The following TJP2 variants were observed in gnomAD, a reference collection of about 807,000 sequenced individuals.
TJP2 encodes the protein tight junction protein 2.
Under a neutral mutation model 133.1 loss-of-function variants are expected in TJP2, and 91 were observed. That is an observed-to-expected ratio of 0.68 (90% CI 0.58 to 0.81). The LOEUF (loss-of-function observed/expected upper bound fraction) is 0.81, where lower values mean the gene tolerates loss of function less well. TJP2 is among the 40% of genes least tolerant of loss of function. The pLI is 0.00. For missense variants in TJP2, 1,541 were observed against 1,565.6 expected, an observed-to-expected ratio of 0.98 and a Z score of 0.26; for synonymous variants, 592 against 583.4, an observed-to-expected ratio of 1.01 and a Z score of -0.21.
In TJP2 at chr9:69,221,182, G is replaced by T. The variant is rs775377668; in HGVS notation, c.638G>T (p.Arg213Leu). ...CTGGACCAAGACCATGCGCGCACCC[G>T]AGACCGCAGCCGTGGCCGGAGCCTG... ...RGLDQDHART[R>L]DRSRGRSLER... Residue 213 changes from arginine (R) to leucine (L), a missense_variant, in exon 5 of 23, where the codon CGA becomes CTA. Transcript: ENST00000377245. 1.3e-5 allele frequency: 21 copies of T among 1,599,756 alleles called. No homozygotes were observed. In the African/African-American group the frequency reaches 1.7e-4, roughly 13 times the overall value.
rs545129950 is a variant in TJP2 at position 69,210,854 on chromosome 9, A to G, written c.61-1694A>G. 1.0e-4 allele frequency among the ~76,000 whole-genome samples: 15 copies of G among 150,428 alleles called. No homozygotes were observed. The South Asian group carries it at 3.1e-3, about 31-fold the overall frequency. ...CTGATCACCCCGCCTCAGCCTCCTG[A>G]GTAGCTGGGACTATGGCATGTGCCA... On this transcript the variant is annotated intron_variant, in intron 1 of 22. Transcript: ENST00000377245.
intron 1 of TJP2, among the ~76,000 whole-genome samples, chr9:69,138,902 G>C (rs1822893364): frequency 6.6e-6 from 1 of 151,528 alleles, no homozygotes; most frequent in Non-Finnish European, 1.5e-5. Context: ...GGGTGACACA[G>C]TGAGATTCCA....
intron 1 of TJP2, chr9:69,204,881 A>G: frequency 8.3e-7 from 1 of 1,208,140 alleles, no homozygotes; most frequent in African/African-American, 1.5e-5. Flanking sequence ...AGAAATATCT[A>G]CTCGGATGCT....
intron 1 of TJP2, among the ~76,000 whole-genome samples, chr9:69,196,457 G>C (rs1826565840): frequency 6.6e-6 from 1 of 152,190 alleles, no homozygotes; most frequent in African/African-American, 2.4e-5. Flanking sequence ...CAACCTTAGA[G>C]AGGTGGGTCT....
chr9:69,210,947 T>C (rs1643614641), intron 1 of TJP2, among the ~76,000 whole-genome samples: 1 of 152,142 alleles, frequency 6.6e-6, no homozygotes, highest in Admixed American at 6.5e-5. Context: ...AGGCTGCCCT[T>C]GAACTCCTAG....
chr9:69,143,604 C>G (rs1235108774), intron 1 of TJP2, among the ~76,000 whole-genome samples: 1 of 152,222 alleles, frequency 6.6e-6, no homozygotes, highest in Admixed American at 6.5e-5. Flanking sequence ...TTCATGAATA[C>G]TATGGAAATG....
At position 69,127,581 on chromosome 9, in the gene TJP2, C is replaced by T. The variant is rs1822326618; in HGVS notation, c.-131+5856C>T. Among the ~76,000 whole-genome samples, 4 of 73,980 alleles carry T rather than the reference C, an allele frequency of 5.4e-5. 1 individual carries two copies. The South Asian group carries it at 1.5e-3, about 28-fold the overall frequency. 48.5% of individuals were successfully genotyped at this position (73,980 alleles called of 152,430 possible). A position where few individuals can be genotyped will look rare whatever the true frequency, so the allele number is the denominator to read the frequency against. On this transcript the variant is annotated intron_variant, in intron 1 of 5. Transcript: ENST00000423935. ...AAAAAAAAAAAAGATGTTTTTAATGCCCCCTCAGAGAACATTTTCCCCAGT... is the reference window on the plus strand; with the variant it reads ...AAAAAAAAAAAAGATGTTTTTAATGTCCCCTCAGAGAACATTTTCCCCAGT...
intron 1 of TJP2, among the ~76,000 whole-genome samples, chr9:69,184,890 C>T (rs1172558517): frequency 1.3e-5 from 2 of 150,402 alleles, no homozygotes; most frequent in Admixed American, 6.7e-5. Context: ...GCTGTAACCA[C>T]GGGCATGCGC....
chr9:69,178,880 C>T (rs1328026387), intron 1 of TJP2, among the ~76,000 whole-genome samples: 2 of 152,000 alleles, frequency 1.3e-5, no homozygotes, highest in Admixed American at 6.6e-5. Context: ...GATTCATTGC[C>T]GAAGAATGTG....
chr9:69,148,841 T>C (rs924450508), intron 1 of TJP2, among the ~76,000 whole-genome samples: 2 of 152,296 alleles, frequency 1.3e-5, no homozygotes, highest in African/African-American at 2.4e-5. Flanking sequence ...TATTTGCCCA[T>C]TGCCCAGCAC....
chr9:69,176,849 A>C (rs1277716905), intron 1 of TJP2, among the ~76,000 whole-genome samples: 2 of 152,170 alleles, frequency 1.3e-5, no homozygotes, highest in African/African-American at 4.8e-5. Context: ...ACGAGACACA[A>C]GTTATTGAAA....
chr9:69,130,178 A>G (rs1178704612), intron 1 of TJP2, among the ~76,000 whole-genome samples: 1 of 152,140 alleles, frequency 6.6e-6, no homozygotes, highest in Non-Finnish European at 1.5e-5. Context: ...TTCATTCTCT[A>G]CAGTCACAAG....
At chr9:69,204,701 T>C (rs930831223) in intron 1 of TJP2, 21 of 519,826 alleles carry the variant, frequency 4.0e-5, no homozygotes, top group African/African-American at 3.7e-4. Context: ...AGCCATTCAG[T>C]TGACCTGAAA....
intron 12 of TJP2, 128 bp from the exon 13 acceptor site, chr9:69,235,900 C>G: frequency 1.2e-6 from 1 of 824,084 alleles, no homozygotes. Flanking sequence ...GCTGTGACTC[C>G]CATAGGACTT....
Position 69,251,110 on chromosome 9 carries a change from G to T in TJP2, c.3067G>T (p.Ala1023Ser), listed in dbSNP as rs201317427. Residue 1023 changes from alanine (A) to serine (S), a missense_variant, in exon 21 of 23, where the codon GCT becomes TCT. By Grantham distance (99) the Ala-to-Ser change is moderately conservative. Coordinates refer to ENST00000377245, the MANE Select transcript of TJP2 (RefSeq NM_004817.4). ...YEYKSNPSAVAGNETPGASTK... is the reference protein window; with the variant it reads ...YEYKSNPSAVSGNETPGASTK... The stretch of plus-strand genomic sequence containing the variant: ...ATATAAGTCAAACCCCTCTGCCGTT[G>T]CTGGTAATGAAACTCCTGGGGCATC... 393 of 1,614,058 alleles carry T rather than the reference G, an allele frequency of 2.4e-4. No homozygotes were observed. Among genetic ancestry groups the T allele is most frequent in the Non-Finnish European group, 3.1e-4 (370 of 1,180,044 alleles).
rs759954506 is a variant in TJP2 at position 69,125,303 on chromosome 9, AT to A, written c.-131+3599del. Among the ~76,000 whole-genome samples the A allele has an allele frequency of 9.6e-3, 419 of 43,832 alleles. 71 individuals are homozygous for A. Among genetic ancestry groups the A allele is most frequent in the African/African-American group, 0.025 (348 of 14,094 alleles). 28.8% of individuals were successfully genotyped at this position (43,832 alleles called of 152,430 possible). On this transcript the variant is annotated intron_variant, in intron 1 of 5. Coordinates refer to the TJP2 transcript ENST00000423935. ...TGTGCGTTTAATAGCACCCTGAGTGATTTTTTTTTTTTTTTTTTTTTGAGAT... is the reference window on the plus strand; with the variant it reads ...TGTGCGTTTAATAGCACCCTGAGTGATTTTTTTTTTTTTTTTTTTTGAGAT...
Position 69,226,129 on chromosome 9 carries a change from C to T in TJP2, c.1164C>T (p.Thr388=), listed in dbSNP as rs779448814. The T allele has an allele frequency of 3.7e-6, 6 of 1,613,906 alleles. No individual in the cohort carries two copies. Among genetic ancestry groups the T allele is most frequent in the Non-Finnish European group, 5.1e-6 (6 of 1,179,994 alleles). The change falls in exon 7 of 23, where the codon ACC becomes ACT. Residue 388 remains threonine (T), a synonymous_variant. Coordinates refer to ENST00000377245, the MANE Select transcript of TJP2 (RefSeq NM_004817.4). ...TGGTGTTGAGAGACAGCCAGCAGACCCTCATCAACATCCCGTCATTAAATG... is the reference window on the plus strand; with the variant it reads ...TGGTGTTGAGAGACAGCCAGCAGACTCTCATCAACATCCCGTCATTAAATG... ...QLVVLRDSQQ[T]LINIPSLNDS...
chr9:69,248,874 A>T, intron 19 of TJP2: 3 of 991,386 alleles, frequency 3.0e-6, no homozygotes, highest in Non-Finnish European at 3.6e-6. Flanking sequence ...TGAAGATGGG[A>T]TTGTTCATAT....
chr9:69,218,234 C>T lies in TJP2; in HGVS notation c.240-23C>T. On this transcript the variant is annotated intron_variant, in intron 3 of 22. Transcript: ENST00000377245. ...TGAATAGATGGGAGTTTTTCATGACCCATTTTTATTTCTTGTTTACAGAGA... is the reference window on the plus strand; with the variant it reads ...TGAATAGATGGGAGTTTTTCATGACTCATTTTTATTTCTTGTTTACAGAGA... The T allele has an allele frequency of 1.9e-6, 3 of 1,563,280 alleles. No homozygotes were observed. The South Asian group carries it at 3.3e-5, about 17-fold the overall frequency.
Sources: gnomAD v4.1 joint callset for allele counts (sites outside exome capture counted in the v4.1 genomes callset) on GRCh38, gnomAD v4.1.1 for gene constraint, MANE v1.5 for transcripts, NCBI Gene and HGNC (gene_info 2026-07-23, HGNC 2026-07-21) for gene names.